The following PIP5K1A variants were observed in gnomAD, a reference collection of about 807,000 sequenced individuals.
The protein encoded by PIP5K1A is phosphatidylinositol 4-phosphate 5-kinase type-1 alpha.
In PIP5K1A, 46 loss-of-function variants were observed where a neutral mutation model predicts 72.9. That is an observed-to-expected ratio of 0.63 (90% confidence interval 0.50 to 0.81). The LOEUF (loss-of-function observed/expected upper bound fraction) is 0.81, where lower values mean the gene tolerates loss of function less well. Ranked by LOEUF, PIP5K1A falls within the 30% of genes least tolerant of loss-of-function variation. PIP5K1A has a pLI of 0.00. For missense variants in PIP5K1A, 458 were observed against 706.1 expected, an observed-to-expected ratio of 0.65 and a Z score of 3.98; for synonymous variants, 228 against 255.1, an observed-to-expected ratio of 0.89 and a Z score of 1.01.
At chr1:151,247,819 A>G in intron 15 of PIP5K1A, 44 bp from the exon 16 acceptor site, 1 of 1,525,718 alleles carries the variant, frequency 6.6e-7, no homozygotes, top group African/African-American at 1.4e-5. Context: ...ATTTCTGCTT[A>G]ATCTCATACT....
chr1:151,241,737 T>A (rs1347642046), intron 12 of PIP5K1A, among the ~76,000 whole-genome samples: 1 of 150,978 alleles, frequency 6.6e-6, no homozygotes, highest in Non-Finnish European at 1.5e-5. Flanking sequence ...GAGGTGGAGG[T>A]TGCAGTGAGC....
At chr1:151,204,132 C>G (rs1161109076) in intron 1 of PIP5K1A, among the ~76,000 whole-genome samples, 3 of 152,062 alleles carry the variant, frequency 2.0e-5, no homozygotes, top group Admixed American at 1.3e-4. Flanking sequence ...CTACCTGTAA[C>G]CTGCAGTAAT....
In PIP5K1A at chr1:151,247,716, G is replaced by A. The variant is rs1692715105; in HGVS notation, c.1687-147G>A. The stretch of plus-strand genomic sequence containing the variant: ...TGGGATTACAGGTGTGAGCCACCAT[G>A]CGCGGCCGCCATCTTGTTTTTTAAA... On this transcript the variant is annotated intron_variant, in intron 15 of 15. Transcript: ENST00000368888. 3 of 645,532 alleles carry A rather than the reference G, an allele frequency of 4.6e-6. No individual in the cohort carries two copies. The East Asian group carries it at 8.8e-5, about 19-fold the overall frequency. 40.0% of individuals were successfully genotyped at this position (645,532 alleles called of 1,614,324 possible).
Position 151,248,142 on chromosome 1 carries a change from T to C in PIP5K1A, c.*277T>C. On this transcript the variant is annotated 3_prime_UTR_variant, in exon 16 of 16. Transcript: ENST00000368888. ...GTATGGATTTTCAACTGGCCAACCC[T>C]TTGCCTCCACTATTGAATTTTTTTC... is the stretch of plus-strand genomic sequence containing the variant. 2.1e-6 allele frequency: 1 copy of C among 477,134 alleles called. No homozygotes were observed. The highest frequency in any genetic ancestry group is 3.9e-5 in the Admixed American group (1 of 25,546). 29.6% of individuals were successfully genotyped at this position (477,134 alleles called of 1,614,324 possible). A position where few individuals can be genotyped will look rare whatever the true frequency, so the allele number is the denominator to read the frequency against.
chr1:151,231,295 A>G (rs1348901719), intron 4 of PIP5K1A, among the ~76,000 whole-genome samples: 4 of 152,058 alleles, frequency 2.6e-5, no homozygotes, highest in Admixed American at 6.6e-5. Flanking sequence ...AGGGCTCCAG[A>G]TACACTCTGG....
intron 1 of PIP5K1A, among the ~76,000 whole-genome samples, chr1:151,206,755 A>C (rs896235907): frequency 6.6e-6 from 1 of 152,068 alleles, no homozygotes; most frequent in African/African-American, 2.4e-5. Context: ...CAGTAGAGAC[A>C]GGGTTTCACC....
At chr1:151,232,191 A>G (rs906127204) in intron 5 of PIP5K1A, 57 bp from the exon 6 acceptor site, 12 of 1,141,154 alleles carry the variant, frequency 1.1e-5, no homozygotes, top group African/African-American at 6.1e-5. Context: ...TTCGCAAGGT[A>G]GATTCTCTGG....
chr1:151,221,734 T>C (rs1225676342), intron 1 of PIP5K1A, among the ~76,000 whole-genome samples: 2 of 152,234 alleles, frequency 1.3e-5, no homozygotes, highest in African/African-American at 4.8e-5. Context: ...TTGAACAGTA[T>C]TCTGGTTTTA....
At chr1:151,243,198 G>T (rs1456516903) in intron 14 of PIP5K1A, among the ~76,000 whole-genome samples, 10 of 152,150 alleles carry the variant, frequency 6.6e-5, no homozygotes, top group Admixed American at 5.9e-4. Context: ...CTGCTCTCTG[G>T]TCTCCAGTAA....
In PIP5K1A at chr1:151,199,044, C is replaced by T. The variant is rs1684816649; in HGVS notation, c.48C>T (p.Ser16=). 2 of 1,614,186 alleles carry T rather than the reference C, an allele frequency of 1.2e-6. No individual in the cohort carries two copies. Among genetic ancestry groups the T allele is most frequent in the Non-Finnish European group, 1.7e-6 (2 of 1,180,040 alleles). The change falls in exon 1 of 16, where the codon TCC becomes TCT. Residue 16 remains serine, a synonymous_variant. Coordinates refer to ENST00000368888, the MANE Select transcript of PIP5K1A (RefSeq NM_001135638.2). Reference sequence around the variant, plus strand: ...CGTCGTCTTCGGTCGGTTTTTCATCCTTTGATCCCGCGGTCCCTTCCTGTA... The same window carrying T: ...CGTCGTCTTCGGTCGGTTTTTCATCTTTTGATCCCGCGGTCCCTTCCTGTA... The part of the protein sequence containing the change: ...SGPSSSVGFS[S]FDPAVPSCTL...
At chr1:151,209,680 C>G (rs1015846369) in intron 1 of PIP5K1A, among the ~76,000 whole-genome samples, 5 of 151,752 alleles carry the variant, frequency 3.3e-5, no homozygotes, top group Non-Finnish European at 7.4e-5. Context: ...CTCAGGTGAT[C>G]CGCCCACCTC....
chr1:151,209,034 T>C (rs1490967112), intron 1 of PIP5K1A, among the ~76,000 whole-genome samples: 1 of 141,430 alleles, frequency 7.1e-6, no homozygotes, highest in Non-Finnish European at 1.5e-5. Flanking sequence ...GCCTGGCCGC[T>C]TTTTTTTTTT....
intron 1 of PIP5K1A, among the ~76,000 whole-genome samples, chr1:151,217,059 C>T (rs1196378197): frequency 2.0e-5 from 3 of 151,956 alleles, no homozygotes; most frequent in South Asian, 2.1e-4. Flanking sequence ...ACTACAGGTG[C>T]GTGCCACTAC....
At chr1:151,232,758 G>A in intron 7 of PIP5K1A, 55 bp downstream of exon 7, 1 of 1,512,246 alleles carries the variant, frequency 6.6e-7, no homozygotes, top group South Asian at 1.1e-5. Context: ...GGCAAGGCTG[G>A]GGAGGCTGTC....
chr1:151,228,987 G>A (rs1309982553), intron 4 of PIP5K1A, among the ~76,000 whole-genome samples: 2 of 151,424 alleles, frequency 1.3e-5, no homozygotes, highest in African/African-American at 4.9e-5. Flanking sequence ...GACCAACATG[G>A]CAAAGCCCCA....
chr1:151,198,897 C>G lies in PIP5K1A; in HGVS notation c.-100C>G. ...GGGGGCGGGGAGGTGGCCCACAGAA[C>G]GCGGGTTCTGTAAAGAGACGTTGGG... On this transcript the variant is annotated 5_prime_UTR_variant, in exon 1 of 16. Transcript: ENST00000368888. The G allele has an allele frequency of 6.7e-6, 8 of 1,199,934 alleles. No homozygotes were observed. Among genetic ancestry groups the G allele is most frequent in the Non-Finnish European group, 9.7e-6 (8 of 824,070 alleles). 74.3% of individuals were successfully genotyped at this position (1,199,934 alleles called of 1,614,324 possible).
At chr1:151,237,748 ATATCT>A (rs1295158033) in intron 9 of PIP5K1A, among the ~76,000 whole-genome samples, 1 of 152,196 alleles carries the variant, frequency 6.6e-6, no homozygotes, top group African/African-American at 2.4e-5. Context: ...AGTGTCACAA[ATATCT>A]TAGATTGTTT....
At chr1:151,205,643 C>T (rs1488126468) in intron 1 of PIP5K1A, among the ~76,000 whole-genome samples, 1 of 151,958 alleles carries the variant, frequency 6.6e-6, no homozygotes, top group Non-Finnish European at 1.5e-5. Flanking sequence ...ACAAAAAATA[C>T]AAAAATTAGT....
At chr1:151,203,386 G>A (rs763815884) in intron 1 of PIP5K1A, among the ~76,000 whole-genome samples, 2 of 151,816 alleles carry the variant, frequency 1.3e-5, no homozygotes, top group African/African-American at 4.8e-5. Flanking sequence ...AAAATTAGCC[G>A]GGTGTGGTGG....
Sources: gnomAD v4.1 joint callset for allele counts (sites outside exome capture counted in the v4.1 genomes callset) on GRCh38, gnomAD v4.1.1 for gene constraint, MANE v1.5 for transcripts, NCBI Gene and HGNC (gene_info 2026-07-23, HGNC 2026-07-21) for gene names.